MAML3: variants seen among roughly 807,000 people sequenced by gnomAD.
The protein encoded by MAML3 is mastermind like transcriptional coactivator 3, also known as mastermind-like protein 3.
MAML3 carries 27 observed loss-of-function variants against 101.9 expected under a neutral mutation model. The observed-to-expected ratio is 0.27, with a 90% CI of 0.20 to 0.37. The LOEUF is 0.37. Ranked by LOEUF, MAML3 falls within the 10% of genes least tolerant of loss-of-function variation. The probability of loss-of-function intolerance (pLI) is 1.00; values close to 1 mark genes in which losing one functional copy is unlikely to be tolerated. For missense variants in MAML3, 1,316 were observed against 1,444.9 expected (o/e 0.91, Z 1.45); for synonymous variants, 501 against 555.9 (o/e 0.90, Z 1.39).
chr4:140,122,549 T>G (rs1439176312), intron 1 of MAML3, among the ~76,000 whole-genome samples: 1 of 151,938 alleles, frequency 6.6e-6, no homozygotes, highest in Non-Finnish European at 1.5e-5. Context: ...TCCCAGCACT[T>G]TGGGAGGCCG....
chr4:140,149,957 TG>T (rs1158298602), intron 1 of MAML3, among the ~76,000 whole-genome samples: 65 of 148,962 alleles, frequency 4.4e-4, no homozygotes, highest in African/African-American at 1.2e-3. Flanking sequence ...TTTTTTTTTT[TG>T]GTACACAGAA....
intron 1 of MAML3, among the ~76,000 whole-genome samples, chr4:139,939,946 A>G (rs1733569793): frequency 6.6e-6 from 1 of 151,964 alleles, no homozygotes; most frequent in South Asian, 2.1e-4. Context: ...TTGTATTTTT[A>G]GTAGAGACGG....
At chr4:140,143,690 G>T (rs1729012001) in intron 1 of MAML3, among the ~76,000 whole-genome samples, 2 of 152,224 alleles carry the variant, frequency 1.3e-5, no homozygotes, top group African/African-American at 4.8e-5. Context: ...CAACCCAGGA[G>T]GTGGAGGTTG....
rs1035521299 is a variant in MAML3, at chr4:139,736,115, T to TAC, written c.2080-5450_2080-5449dup. ...TGTGCTTTTCAGACACACACACACA[T>TAC]ACACACACACTCACTCACTCACTCA... On this transcript the variant is annotated intron_variant, in intron 2 of 4. Transcript: ENST00000509479. 3.9e-5 allele frequency among the ~76,000 whole-genome samples: 6 copies of TAC among 151,986 alleles called. No homozygotes were observed. The East Asian group carries it at 7.7e-4, about 20-fold the overall frequency.
At chr4:140,081,410 C>T (rs1048143590) in intron 1 of MAML3, among the ~76,000 whole-genome samples, 19 of 152,310 alleles carry the variant, frequency 1.2e-4, no homozygotes, top group African/African-American at 4.6e-4. Context: ...AGACAACACT[C>T]TCCTTATTTA....
intron 2 of MAML3, among the ~76,000 whole-genome samples, chr4:139,753,067 G>A (rs141817644): frequency 2.3e-4 from 35 of 152,320 alleles, no homozygotes; most frequent in African/African-American, 8.4e-4. Context: ...TGTTTCAGGA[G>A]AGGGCTCAGC....
intron 2 of MAML3, among the ~76,000 whole-genome samples, chr4:139,766,936 C>A (rs1244745577): frequency 6.6e-6 from 1 of 152,202 alleles, no homozygotes; most frequent in Admixed American, 6.5e-5. Flanking sequence ...TATTTTGGTA[C>A]CCACACATGA....
chr4:139,826,355 G>A (rs960001429), intron 2 of MAML3, among the ~76,000 whole-genome samples: 4 of 152,066 alleles, frequency 2.6e-5, no homozygotes, highest in African/African-American at 9.7e-5. Context: ...TTTTAAAGCT[G>A]TGTTCATAAG....
chr4:139,855,467 C>T (rs758101190), intron 2 of MAML3, among the ~76,000 whole-genome samples: 3 of 152,264 alleles, frequency 2.0e-5, no homozygotes, highest in Admixed American at 6.5e-5. Flanking sequence ...CTCTGTTTTT[C>T]AACACATGTA....
intron 1 of MAML3, among the ~76,000 whole-genome samples, chr4:140,074,231 A>AAG (rs1560885567): frequency 1.7e-5 from 1 of 58,438 alleles, no homozygotes; most frequent in Non-Finnish European, 4.8e-5. Flanking sequence ...GAAAGAAAGA[A>AAG]AGAAAGAAAG....
chr4:139,788,339 TA>T (rs1730342512), intron 2 of MAML3, among the ~76,000 whole-genome samples: 1 of 152,186 alleles, frequency 6.6e-6, no homozygotes, highest in Non-Finnish European at 1.5e-5. Flanking sequence ...GCATTTCTTT[TA>T]ATTGAATAGA....
At chr4:140,136,945 A>G (rs1728897986) in intron 1 of MAML3, among the ~76,000 whole-genome samples, 1 of 152,206 alleles carries the variant, frequency 6.6e-6, no homozygotes, top group South Asian at 2.1e-4. Context: ...CAGTATTTTG[A>G]ATTTCTCCAT....
chr4:140,142,643 C>T (rs1021308629), intron 1 of MAML3, among the ~76,000 whole-genome samples: 3 of 152,152 alleles, frequency 2.0e-5, no homozygotes, highest in Non-Finnish European at 4.4e-5. Flanking sequence ...CTAAATTTAT[C>T]CCCTTGAGGC....
chr4:139,873,345 G>C (rs1240352579), intron 2 of MAML3, among the ~76,000 whole-genome samples: 1 of 152,128 alleles, frequency 6.6e-6, no homozygotes, highest in East Asian at 1.9e-4. Context: ...ACCTTTGCCA[G>C]CTCAGTTCTT....
At chr4:139,878,545 G>A (rs1578643391) in intron 2 of MAML3, among the ~76,000 whole-genome samples, 3 of 152,118 alleles carry the variant, frequency 2.0e-5, no homozygotes, top group African/African-American at 2.4e-5. Flanking sequence ...AGGCTAGTAG[G>A]CTCCTCTTGG....
intron 2 of MAML3, chr4:139,731,075 C>T: frequency 5.6e-6 from 1 of 179,020 alleles, no homozygotes; most frequent in Non-Finnish European, 1.2e-5. Context: ...TTACTGTCTA[C>T]TTGGCCAAAA....
rs150175749 is a variant in MAML3, at chr4:139,819,996, C to T, written c.2079+69361G>A. On this transcript the variant is annotated intron_variant, in intron 2 of 4. Transcript: ENST00000509479. ...GGTGCTGTACTCAGCACTCCAATAC[C>T]CTACCTCTCTCTCCAATTTCCACCT... is the stretch of plus-strand genomic sequence containing the variant. 2.3e-3 allele frequency among the ~76,000 whole-genome samples: 357 copies of T among 152,270 alleles called. 1 individual carries two copies. Among genetic ancestry groups the T allele is most frequent in the Middle Eastern group, 0.02 (6 of 294 alleles).
intron 1 of MAML3, among the ~76,000 whole-genome samples, chr4:140,028,732 C>A (rs1463153263): frequency 6.6e-6 from 1 of 152,106 alleles, no homozygotes; most frequent in Non-Finnish European, 1.5e-5. Flanking sequence ...AGCTTATCTC[C>A]CTATTCATTT....
At position 139,874,980 on chromosome 4, in the gene MAML3, T is replaced by C. The variant is rs532558513; in HGVS notation, c.2079+14377A>G. ...CACCACGCCCGGCTAATTTTTTGTA[T>C]TTTTAGTAAAGATGGGGTTTCACCA... On this transcript the variant is annotated intron_variant, in intron 2 of 4. Transcript: ENST00000509479. Among the ~76,000 whole-genome samples, 112 of 152,116 alleles carry C rather than the reference T, an allele frequency of 7.4e-4. 1 individual carries two copies. Among genetic ancestry groups the C allele is most frequent in the African/African-American group, 2.6e-3 (107 of 41,520 alleles).
Sources: gnomAD v4.1 joint callset for allele counts (sites outside exome capture counted in the v4.1 genomes callset) on GRCh38, gnomAD v4.1.1 for gene constraint, MANE v1.5 for transcripts, NCBI Gene and HGNC (gene_info 2026-07-23, HGNC 2026-07-21) for gene names.